Variants in LPP observed in about 807,000 individuals in gnomAD.
LPP encodes lipoma-preferred partner.
In LPP, 38 loss-of-function variants were observed where a neutral mutation model predicts 60.4. The ratio of observed to expected loss-of-function variants is 0.63; its 90% CI spans 0.49 to 0.83. The LOEUF is 0.83. LPP is among the 40% of genes least tolerant of loss of function. The pLI, the probability that LPP is intolerant of heterozygous loss-of-function variation, is 0.00. For missense variants in LPP, 902 were observed against 783.6 expected, an observed-to-expected ratio of 1.15 and a Z score of -1.80; for synonymous variants, 328 against 290.8, an observed-to-expected ratio of 1.13 and a Z score of -1.30.
intron 8 of LPP, among the ~76,000 whole-genome samples, chr3:188,758,062 T>G (rs2150439034): frequency 6.6e-6 from 1 of 152,270 alleles, no homozygotes; most frequent in East Asian, 1.9e-4. Context: ...ACAAAATTTT[T>G]TCATCAAATG....
intron 4 of LPP, among the ~76,000 whole-genome samples, chr3:188,407,079 T>TAAA (rs5855193): frequency 7.0e-6 from 1 of 143,520 alleles, no homozygotes; most frequent in Non-Finnish European, 1.5e-5. Context: ...TAACTTAAAA[T>TAAA]AAAAAAAAAA....
chr3:188,638,335 C>G lies in LPP; in HGVS notation c.1113+28491C>G, dbSNP rs1335149591. Among the ~76,000 whole-genome samples the G allele has an allele frequency of 2.7e-3, 405 of 149,968 alleles. 2 individuals carry two copies. The highest frequency in any genetic ancestry group is 9.1e-3 in the African/African-American group (373 of 40,968). ...AACAGCCCTTCATGCTAAAAACTCT[C>G]AATAAATTAGGTATTGATGGGATGT... On this transcript the variant is annotated intron_variant, in intron 7 of 11. Coordinates refer to ENST00000617246, the MANE Select transcript of LPP (RefSeq NM_001375462.1).
intron 5 of LPP, among the ~76,000 whole-genome samples, chr3:188,504,906 A>T (rs1350338866): frequency 6.6e-6 from 1 of 152,202 alleles, no homozygotes; most frequent in Non-Finnish European, 1.5e-5. Flanking sequence ...TGTGATTAAA[A>T]GCAGCAATTA....
At chr3:188,722,670 T>A (rs1716905903) in intron 8 of LPP, among the ~76,000 whole-genome samples, 2 of 152,234 alleles carry the variant, frequency 1.3e-5, no homozygotes, top group Non-Finnish European at 2.9e-5. Flanking sequence ...TTTTCTTGTT[T>A]AGATTAGCTC....
intron 2 of LPP, among the ~76,000 whole-genome samples, chr3:188,255,478 C>T (rs1388097799): frequency 6.6e-6 from 1 of 152,182 alleles, no homozygotes; most frequent in Non-Finnish European, 1.5e-5. Flanking sequence ...AGATTCTGGG[C>T]AAGCAGCCTC....
At chr3:188,252,073 T>TACAC (rs1491568510) in intron 2 of LPP, among the ~76,000 whole-genome samples, 146 of 80,354 alleles carry the variant, frequency 1.8e-3, no homozygotes, top group African/African-American at 6.3e-3. Flanking sequence ...TATATATATA[T>TACAC]ATACACACAC....
intron 4 of LPP, among the ~76,000 whole-genome samples, chr3:188,410,392 T>C (rs1257279815): frequency 1.3e-5 from 2 of 152,212 alleles, no homozygotes; most frequent in African/African-American, 4.8e-5. Context: ...CATGTTTTAA[T>C]TCTGACTGTG....
At chr3:188,238,302 C>T (rs1722608560) in intron 2 of LPP, among the ~76,000 whole-genome samples, 1 of 152,042 alleles carries the variant, frequency 6.6e-6, no homozygotes, top group Non-Finnish European at 1.5e-5. Flanking sequence ...TTCTTCATCT[C>T]AGCAATAAGG....
intron 4 of LPP, among the ~76,000 whole-genome samples, chr3:188,469,295 G>T (rs1188205210): frequency 6.6e-6 from 1 of 151,538 alleles, no homozygotes; most frequent in African/African-American, 2.4e-5. Flanking sequence ...CCCATCCAGA[G>T]CTAGGCAGAC....
chr3:188,495,066 A>ATATATATATATATATATATATT lies in LPP; in HGVS notation c.306+10379_306+10380insATATTTATATATATATATATAT, dbSNP rs1579342433. 3.3e-5 allele frequency among the ~76,000 whole-genome samples: 3 copies of ATATATATATATATATATATATT among 91,780 alleles called. 1 individual carries two copies. The East Asian group carries it at 1.5e-3, about 46-fold the overall frequency. The allele number at this position is 91,780 out of a possible 152,430, so 60.2% of individuals were successfully genotyped here. A position where few individuals can be genotyped will look rare whatever the true frequency, so the allele number is the denominator to read the frequency against. On this transcript the variant is annotated intron_variant, in intron 5 of 11. Transcript: ENST00000617246. ...TTGCTATTATAAGGTTCAGGATTTTATATATATATATATATATTTTATTTA... is the reference window on the plus strand; with the variant it reads ...TTGCTATTATAAGGTTCAGGATTTTATATATATATATATATATATATTTATATATATATATATATTTTATTTA...
chr3:188,496,375 C>T (rs1810221894), intron 5 of LPP, among the ~76,000 whole-genome samples: 1 of 152,190 alleles, frequency 6.6e-6, no homozygotes. Flanking sequence ...GATCTGCCCA[C>T]CTCAGCCTCC....
intron 3 of LPP, among the ~76,000 whole-genome samples, chr3:188,383,187 T>G (rs1269007447): frequency 6.6e-6 from 1 of 152,212 alleles, no homozygotes; most frequent in African/African-American, 2.4e-5. Context: ...TTTATGAGGA[T>G]TCTATTTTTG....
rs1307979444 is a variant in LPP, at chr3:188,606,367, A to G, written c.430-2794A>G. Among the ~76,000 whole-genome samples the G allele has an allele frequency of 2.0e-5, 3 of 152,118 alleles. 1 individual carries two copies. The highest frequency in any genetic ancestry group is 7.2e-5 in the African/African-American group (3 of 41,426). ...TCTTTTCCACATATCATTTGTCTCA[A>G]ATATAGTTTCCTAGGGATCTCATAG... On this transcript the variant is annotated intron_variant, in intron 6 of 11. Coordinates refer to ENST00000617246, the MANE Select transcript of LPP (RefSeq NM_001375462.1).
intron 4 of LPP, among the ~76,000 whole-genome samples, chr3:188,468,572 C>T (rs1801022256): frequency 6.6e-6 from 1 of 152,048 alleles, no homozygotes; most frequent in African/African-American, 2.4e-5. Flanking sequence ...TCAGTTAAGC[C>T]AAGGAAGTGC....
intron 7 of LPP, among the ~76,000 whole-genome samples, chr3:188,623,820 C>T (rs1846271825): frequency 6.6e-6 from 1 of 152,226 alleles, no homozygotes; most frequent in Admixed American, 6.5e-5. Context: ...TGCTCCTTAA[C>T]ATGAGGCCAT....
intron 5 of LPP, among the ~76,000 whole-genome samples, chr3:188,496,095 A>G (rs1478734399): frequency 4.6e-5 from 7 of 151,940 alleles, no homozygotes; most frequent in Non-Finnish European, 7.4e-5. Flanking sequence ...TGACTTGTAC[A>G]GGGCCTCCTA....
At chr3:188,343,307 C>T (rs2150691689) in intron 3 of LPP, among the ~76,000 whole-genome samples, 1 of 152,266 alleles carries the variant, frequency 6.6e-6, no homozygotes, top group East Asian at 1.9e-4. Flanking sequence ...AAAAAGAGAA[C>T]ATTGTTTTTA....
At chr3:188,564,535 G>A (rs1831625912) in intron 6 of LPP, among the ~76,000 whole-genome samples, 1 of 151,920 alleles carries the variant, frequency 6.6e-6, no homozygotes, top group South Asian at 2.1e-4. Context: ...AGAATTATGT[G>A]TGTCTAAGTT....
chr3:188,802,107 T>C (rs566391295), intron 9 of LPP, among the ~76,000 whole-genome samples: 3 of 152,242 alleles, frequency 2.0e-5, no homozygotes, highest in Non-Finnish European at 4.4e-5. Flanking sequence ...ATGACTCTTA[T>C]GTTTTCAATC....
Sources: gnomAD v4.1 joint callset for allele counts (sites outside exome capture counted in the v4.1 genomes callset) on GRCh38, gnomAD v4.1.1 for gene constraint, MANE v1.5 for transcripts, NCBI Gene and HGNC (gene_info 2026-07-23, HGNC 2026-07-21) for gene names.